Variants in GAB1 observed in about 807,000 individuals in gnomAD.
GAB1 encodes GRB2-associated-binding protein 1.
In GAB1, 19 loss-of-function variants were observed where a neutral mutation model predicts 66.5. That is an observed-to-expected ratio of 0.29 (90% confidence interval 0.20 to 0.42). GAB1 has a LOEUF of 0.42. GAB1 is among the 10% of genes least tolerant of loss of function. GAB1 has a pLI of 1.00. For missense variants in GAB1, 732 were observed against 858.5 expected (o/e 0.85, Z 1.84); for synonymous variants, 294 against 301.4 (o/e 0.98, Z 0.25).
Position 143,473,701 on chromosome 4 carries a change from T to G in GAB1, c.*4512T>G, listed in dbSNP as rs1736173068. On this transcript the variant is annotated 3_prime_UTR_variant, in exon 10 of 10. Coordinates refer to ENST00000262994, the MANE Select transcript of GAB1 (RefSeq NM_002039.4). ...ATGTAAAATGTGACTTGGGAAATGA[T>G]TCTGTTTATTAACTGGCTGGGATTT... 6.6e-6 allele frequency: 1 copy of G among 152,178 alleles called. No individual in the cohort carries two copies. The highest frequency in any genetic ancestry group is 1.5e-5 in the Non-Finnish European group (1 of 68,026). The allele number at this position is 152,178 out of a possible 1,614,324, so 9.4% of individuals were successfully genotyped here.
chr4:143,401,188 T>A (rs564687372), intron 1 of GAB1, among the ~76,000 whole-genome samples: 2 of 152,348 alleles, frequency 1.3e-5, no homozygotes, highest in East Asian at 3.9e-4. Flanking sequence ...ACACTTGAAT[T>A]GCCTAGGAGT....
At chr4:143,401,771 A>G (rs1731785251) in intron 1 of GAB1, among the ~76,000 whole-genome samples, 1 of 152,230 alleles carries the variant, frequency 6.6e-6, no homozygotes, top group Non-Finnish European at 1.5e-5. Flanking sequence ...AGTATGTATG[A>G]TATGAATAAA....
At chr4:143,364,102 C>T (rs913042901) in intron 1 of GAB1, among the ~76,000 whole-genome samples, 2 of 151,440 alleles carry the variant, frequency 1.3e-5, no homozygotes, top group African/African-American at 2.4e-5. Context: ...GCAGGAGAAT[C>T]GCTTGAACCC....
chr4:143,435,124 A>G (rs1327438270), intron 3 of GAB1, among the ~76,000 whole-genome samples: 5 of 152,202 alleles, frequency 3.3e-5, no homozygotes, highest in Admixed American at 6.5e-5. Flanking sequence ...TTACTGGGCT[A>G]GGATCAGACA....
chr4:143,369,142 T>C (rs1730009904), intron 1 of GAB1, among the ~76,000 whole-genome samples: 1 of 152,130 alleles, frequency 6.6e-6, no homozygotes, highest in African/African-American at 2.4e-5. Flanking sequence ...GGTTTTGCCG[T>C]GTTGGCCAGG....
intron 1 of GAB1, among the ~76,000 whole-genome samples, chr4:143,353,974 G>A (rs190345865): frequency 1.3e-5 from 2 of 152,096 alleles, no homozygotes; most frequent in African/African-American, 2.4e-5. Flanking sequence ...GTTATTGTAC[G>A]AAGTGTCTAC....
chr4:143,433,959 A>C, intron 3 of GAB1: 1 of 635,560 alleles, frequency 1.6e-6, no homozygotes, highest in Non-Finnish European at 2.6e-6. Flanking sequence ...TTTTCCCTAC[A>C]AGGCTCTTTT....
In GAB1 at chr4:143,438,015, G is replaced by A. The variant is rs1170408938; in HGVS notation, c.610G>A (p.Ala204Thr). The change falls in exon 4 of 10, where the codon GCA (alanine) becomes ACA (threonine). Residue 204 changes from alanine to threonine, a missense_variant. Coordinates refer to ENST00000262994, the MANE Select transcript of GAB1 (RefSeq NM_002039.4). ...TTTATTTAGAACGCATGCTGATTCT[G>A]CAAAATCCACCTCTTCTGAAACAGA... The part of the protein sequence containing the change: ...PEPTRTHADS[A>T]KSTSSETDCN... The A allele has an allele frequency of 1.9e-6, 3 of 1,611,816 alleles. No homozygotes were observed. The highest frequency in any genetic ancestry group is 2.5e-6 in the Non-Finnish European group (3 of 1,178,412).
chr4:143,414,023 A>G (rs1307830009), intron 1 of GAB1, among the ~76,000 whole-genome samples: 1 of 151,630 alleles, frequency 6.6e-6, no homozygotes, highest in Non-Finnish European at 1.5e-5. Context: ...GGGTTTCACC[A>G]TGTTGGCCAG....
At chr4:143,418,006 G>A (rs551637214) in intron 2 of GAB1, among the ~76,000 whole-genome samples, 1 of 152,334 alleles carries the variant, frequency 6.6e-6, no homozygotes, top group Non-Finnish European at 1.5e-5. Context: ...TCTCTAATGA[G>A]CTCAGGCCAG....
chr4:143,423,802 ATATATATATAT>A (rs1733166693), intron 2 of GAB1, among the ~76,000 whole-genome samples: 1 of 46,460 alleles, frequency 2.2e-5, no homozygotes, highest in African/African-American at 2.1e-4. Context: ...GTATATATAT[ATATATATATAT>A]ATATATATAT....
chr4:143,459,169 A>G (rs1735353306), intron 6 of GAB1, among the ~76,000 whole-genome samples: 1 of 152,118 alleles, frequency 6.6e-6, no homozygotes, highest in Non-Finnish European at 1.5e-5. Context: ...TGAGGTAACA[A>G]TCATGAAACA....
Position 143,426,431 on chromosome 4 carries a change from G to A in GAB1, c.368-7060G>A, listed in dbSNP as rs1733361402. Among the ~76,000 whole-genome samples the A allele has an allele frequency of 3.3e-5, 5 of 152,122 alleles. No homozygotes were observed. The South Asian group carries it at 1.0e-3, about 32-fold the overall frequency. On this transcript the variant is annotated intron_variant, in intron 2 of 9. Transcript: ENST00000262994. ...CCAGATGTGGTAGTGTGTGCCTGTA[G>A]CCCCAGCTACGTAGGAGGGGAGGAT...
chr4:143,410,122 C>T (rs1196039984), intron 1 of GAB1, among the ~76,000 whole-genome samples: 1 of 151,832 alleles, frequency 6.6e-6, no homozygotes, highest in African/African-American at 2.4e-5. Flanking sequence ...ATGGACTACC[C>T]CCGACCTCTT....
intron 1 of GAB1, among the ~76,000 whole-genome samples, chr4:143,408,801 T>G (rs1422868476): frequency 6.6e-6 from 1 of 152,228 alleles, no homozygotes; most frequent in East Asian, 1.9e-4. Flanking sequence ...ACAATAATGG[T>G]CTTTCCTTAA....
chr4:143,381,490 G>A (rs560631312), intron 1 of GAB1, among the ~76,000 whole-genome samples: 1 of 152,220 alleles, frequency 6.6e-6, no homozygotes, highest in South Asian at 2.1e-4. Flanking sequence ...CAGTGTTCGG[G>A]TCTACTAACT....
chr4:143,417,709 C>T (rs943667131), intron 2 of GAB1, among the ~76,000 whole-genome samples: 14 of 152,116 alleles, frequency 9.2e-5, no homozygotes, highest in South Asian at 4.1e-4. Context: ...CACCTGACCT[C>T]GGGCACTTTT....
intron 6 of GAB1, among the ~76,000 whole-genome samples, chr4:143,457,037 C>T (rs1341965596): frequency 6.6e-6 from 1 of 152,192 alleles, no homozygotes; most frequent in Non-Finnish European, 1.5e-5. Flanking sequence ...GTAATTCTTG[C>T]AAGATGAAGC....
At chr4:143,338,135 A>G (rs1728720088) in intron 1 of GAB1, among the ~76,000 whole-genome samples, 1 of 152,222 alleles carries the variant, frequency 6.6e-6, no homozygotes, top group Non-Finnish European at 1.5e-5. Context: ...ATTCCTTGAA[A>G]GTATCAACCT....
Sources: gnomAD v4.1 joint callset for allele counts (sites outside exome capture counted in the v4.1 genomes callset) on GRCh38, gnomAD v4.1.1 for gene constraint, MANE v1.5 for transcripts, NCBI Gene and HGNC (gene_info 2026-07-23, HGNC 2026-07-21) for gene names.